The following SLC5A8 variants were observed in gnomAD, a reference collection of about 807,000 sequenced individuals.
The protein encoded by SLC5A8 is sodium-coupled monocarboxylate transporter 1.
A neutral mutation model predicts 71.9 loss-of-function variants in SLC5A8; 55 were observed. The ratio of observed to expected loss-of-function variants is 0.77; its 90% CI spans 0.62 to 0.96. The LOEUF (loss-of-function observed/expected upper bound fraction) is 0.96. Among genes scored for constraint, SLC5A8 ranks in the 40% least tolerant of loss-of-function variants. The pLI is 0.00. For synonymous variants in SLC5A8, 307 were observed against 276.1 expected (o/e 1.11, Z -1.11); for missense variants, 701 against 745.3 (o/e 0.94, Z 0.69).
At chr12:101,171,938 T>C (rs535216902) in intron 10 of SLC5A8, among the ~76,000 whole-genome samples, 1 of 151,842 alleles carries the variant, frequency 6.6e-6, no homozygotes, top group South Asian at 2.1e-4. Context: ...GTGAAAGGAG[T>C]TGAATGGACT....
In SLC5A8 at chr12:101,187,378, T is replaced by A. The variant is rs1467610428; in HGVS notation, c.963+8A>T. Reference sequence around the variant, plus strand: ...TAATACACCTGTAAGAAAGACATGGTACTGAACCTGGTCTGGTGCAGACAC... The same window carrying A: ...TAATACACCTGTAAGAAAGACATGGAACTGAACCTGGTCTGGTGCAGACAC... On this transcript the variant is annotated splice_region_variant and intron_variant, in intron 7 of 14. Coordinates refer to ENST00000536262, the MANE Select transcript of SLC5A8 (RefSeq NM_145913.5). 6.2e-7 allele frequency: 1 copy of A among 1,612,596 alleles called. No homozygotes were observed. Among genetic ancestry groups the A allele is most frequent in the Admixed American group, 1.7e-5 (1 of 59,828 alleles).
chr12:101,209,618 C>G lies in SLC5A8; in HGVS notation c.231G>C (p.Glu77Asp), dbSNP rs1443621814. ...TAAAAATGGCCCCAAAACGGTAGACCTCGGAGGGGGTGCCCAGGACAGTGA... is the reference window on the plus strand; with the variant it reads ...TAAAAATGGCCCCAAAACGGTAGACGTCGGAGGGGGTGCCCAGGACAGTGA... Reference protein sequence around the residue: ...SAVTVLGTPSEVYRFGAIFSI... With the variant: ...SAVTVLGTPSDVYRFGAIFSI... Residue 77 changes from glutamate (E) to aspartate (D), a missense_variant, in exon 1 of 15, where the codon GAG (glutamate) becomes GAC (aspartate). Physicochemically the swap from Glu to Asp is conservative, Grantham distance 45. Transcript: ENST00000536262. The G allele has an allele frequency of 6.2e-7, 1 of 1,614,090 alleles. No homozygotes were observed. The highest frequency in any genetic ancestry group is 8.5e-7 in the Non-Finnish European group (1 of 1,180,034).
intron 8 of SLC5A8, among the ~76,000 whole-genome samples, chr12:101,183,146 C>T (rs1002440137): frequency 1.3e-4 from 18 of 142,792 alleles, no homozygotes; most frequent in Admixed American, 2.9e-4. Flanking sequence ...CCCGGGTTCA[C>T]GCCATTCTCC....
intron 13 of SLC5A8, among the ~76,000 whole-genome samples, chr12:101,161,304 T>C (rs1441943367): frequency 1.3e-5 from 2 of 152,064 alleles, no homozygotes; most frequent in Non-Finnish European, 2.9e-5. Flanking sequence ...TGAGAAGTAA[T>C]GAATATAGGC....
chr12:101,167,750 C>G (rs1247595282), intron 11 of SLC5A8, among the ~76,000 whole-genome samples: 2 of 152,168 alleles, frequency 1.3e-5, no homozygotes, highest in African/African-American at 2.4e-5. Context: ...AAGTTTTCTG[C>G]CCTTAAATCT....
intron 3 of SLC5A8, among the ~76,000 whole-genome samples, chr12:101,200,009 C>CAAAAAAAAAAAAAAAAAAAAAA (rs1182463470): frequency 1.0e-4 from 1 of 9,640 alleles, no homozygotes; most frequent in African/African-American, 3.6e-4. Flanking sequence ...GTACTACCAG[C>CAAAAAAAAAAAAAAAAAAAAAA]AAAAAAAAAA....
At chr12:101,197,464 T>C (rs1869235521) in intron 3 of SLC5A8, among the ~76,000 whole-genome samples, 1 of 152,176 alleles carries the variant, frequency 6.6e-6, no homozygotes, top group African/African-American at 2.4e-5. Context: ...AAAAAGAGTC[T>C]AGATCTAACT....
chr12:101,192,005 C>T (rs567412692), intron 5 of SLC5A8, among the ~76,000 whole-genome samples: 3 of 152,292 alleles, frequency 2.0e-5, no homozygotes, highest in Non-Finnish European at 4.4e-5. Context: ...CTCAGCCTGG[C>T]CTACCAGGAA....
Position 101,195,898 on chromosome 12 carries a change from T to A in SLC5A8, c.470-736A>T, listed in dbSNP as rs564476954. 2.6e-5 allele frequency among the ~76,000 whole-genome samples: 4 copies of A among 152,142 alleles called. No homozygotes were observed. The East Asian group carries it at 7.7e-4, about 29-fold the overall frequency. Reference sequence around the variant, plus strand: ...CTTTTAGTAGAGACGGGTTTCACCATGTTGGACAGGATGGTCTCAATCGCC... The same window carrying A: ...CTTTTAGTAGAGACGGGTTTCACCAAGTTGGACAGGATGGTCTCAATCGCC... On this transcript the variant is annotated intron_variant, in intron 3 of 14. Coordinates refer to ENST00000536262, the MANE Select transcript of SLC5A8 (RefSeq NM_145913.5).
chr12:101,182,758 A>G, intron 9 of SLC5A8, 45 bp downstream of exon 9: 1 of 1,405,958 alleles, frequency 7.1e-7, no homozygotes, highest in Non-Finnish European at 9.8e-7. Flanking sequence ...GTCTCAAAAA[A>G]TCATCTCTCT....
At position 101,158,436 on chromosome 12, in the gene SLC5A8, A is replaced by G; in HGVS notation, c.1631-108T>C. ...AACTTGTTCACGTTCAACTCCATACATTCAAAAAACACAAAGAGAAAGGGA... is the reference window on the plus strand; with the variant it reads ...AACTTGTTCACGTTCAACTCCATACGTTCAAAAAACACAAAGAGAAAGGGA... On this transcript the variant is annotated intron_variant, in intron 13 of 14. Coordinates refer to ENST00000536262, the MANE Select transcript of SLC5A8 (RefSeq NM_145913.5). 7.2e-6 allele frequency: 5 copies of G among 692,064 alleles called. No individual in the cohort carries two copies. In the South Asian group the frequency reaches 9.3e-5, roughly 13 times the overall value. The allele number at this position is 692,064 out of a possible 1,614,324, so 42.9% of individuals were successfully genotyped here.
chr12:101,169,823 A>G (rs349666), intron 10 of SLC5A8, among the ~76,000 whole-genome samples: 34,505 of 152,156 alleles, frequency 0.23, 4,292 homozygotes, highest in East Asian at 0.53. Context: ...ACAGGATTGA[A>G]CAACGAAGTC....
In SLC5A8 at chr12:101,209,511, G is replaced by T; in HGVS notation, c.338C>A (p.Thr113Asn). Reference protein sequence around the residue: ...FLPVFYKLGITSTYEYLELRF... With the variant: ...FLPVFYKLGINSTYEYLELRF... ...CCTGCCCCTTACCTCGTAGGTGCTGGTAATTCCCAGTTTGTAGAACACCGG... is the reference window on the plus strand; with the variant it reads ...CCTGCCCCTTACCTCGTAGGTGCTGTTAATTCCCAGTTTGTAGAACACCGG... The change falls in exon 1 of 15, where the codon ACC becomes AAC. Residue 113 changes from threonine to asparagine, a missense_variant. Thr to Asn is a moderately conservative substitution (Grantham distance 65). Transcript: ENST00000536262. 1 of 1,606,166 alleles carries T rather than the reference G, an allele frequency of 6.2e-7. No individual in the cohort carries two copies. Among genetic ancestry groups the T allele is most frequent in the Non-Finnish European group, 8.5e-7 (1 of 1,176,162 alleles).
intron 10 of SLC5A8, among the ~76,000 whole-genome samples, chr12:101,171,896 A>C (rs569610506): frequency 6.6e-6 from 1 of 152,338 alleles, no homozygotes; most frequent in East Asian, 1.9e-4. Context: ...ACACGGGCAC[A>C]CTGGGGCTTG....
intron 10 of SLC5A8, among the ~76,000 whole-genome samples, chr12:101,170,054 G>A (rs2051813670): frequency 6.6e-6 from 1 of 152,230 alleles, no homozygotes; most frequent in Admixed American, 6.5e-5. Context: ...TTAGGCAGTG[G>A]ACGAGGTAGA....
intron 2 of SLC5A8, among the ~76,000 whole-genome samples, chr12:101,202,747 T>A (rs1191557074): frequency 6.6e-6 from 1 of 152,176 alleles, no homozygotes; most frequent in Non-Finnish European, 1.5e-5. Context: ...TCAATCTTTT[T>A]AATATTATTC....
Position 101,203,398 on chromosome 12 carries a change from G to A in SLC5A8, c.417+1102C>T, listed in dbSNP as rs1161454506. Among the ~76,000 whole-genome samples the A allele has an allele frequency of 3.3e-5, 5 of 152,062 alleles. 1 individual carries two copies. Among genetic ancestry groups the A allele is most frequent in the African/African-American group, 1.2e-4 (5 of 41,432 alleles). On this transcript the variant is annotated intron_variant, in intron 2 of 14. Transcript: ENST00000536262. ...AGTCTTGCCCTGTCACCCAGGCTGG[G>A]GTGCAATGGCATGATCTCGGCTCAC...
At chr12:101,163,667 A>G (rs999357316) in intron 12 of SLC5A8, among the ~76,000 whole-genome samples, 1 of 152,232 alleles carries the variant, frequency 6.6e-6, no homozygotes, top group African/African-American at 2.4e-5. Context: ...TCAAACAAAA[A>G]CAAAAACAAA....
chr12:101,166,824 C>T (rs763087278), intron 11 of SLC5A8, 125 bp from the exon 12 acceptor site: 23 of 777,266 alleles, frequency 3.0e-5, no homozygotes, highest in East Asian at 8.1e-5. Flanking sequence ...AAACATTCAA[C>T]GCTCTCTCCT....
Sources: allele counts gnomAD v4.1 joint callset (sites outside exome capture counted in the v4.1 genomes callset), GRCh38; gene constraint gnomAD v4.1.1; transcripts MANE v1.5; gene names NCBI Gene and HGNC (gene_info 2026-07-23, HGNC 2026-07-21).